DMXL1: variants seen among roughly 807,000 people sequenced by gnomAD.
DMXL1 encodes the protein Dmx like 1, also known as dmX-like protein 1.
Under a neutral mutation model 319.2 loss-of-function variants are expected in DMXL1, and 99 were observed. That is an observed-to-expected ratio of 0.31 (90% CI 0.26 to 0.37). The LOEUF (loss-of-function observed/expected upper bound fraction) is 0.37. Ranked by LOEUF, DMXL1 falls within the 10% of genes least tolerant of loss-of-function variation. DMXL1 has a pLI of 1.00. For synonymous variants in DMXL1, 1,385 were observed against 1,235.2 expected, an observed-to-expected ratio of 1.12 and a Z score of -2.54; for missense variants, 3,745 against 3,595.6, an observed-to-expected ratio of 1.04 and a Z score of -1.06.
intron 28 of DMXL1, among the ~76,000 whole-genome samples, chr5:119,183,047 T>C (rs1177828088): frequency 6.6e-6 from 1 of 152,208 alleles, no homozygotes; most frequent in African/African-American, 2.4e-5. Flanking sequence ...AATGACTTTT[T>C]TATGTCTCCA....
intron 25 of DMXL1, 29 bp downstream of exon 25, chr5:119,171,998 T>G (rs1774664323): frequency 6.4e-7 from 1 of 1,574,778 alleles, no homozygotes; most frequent in Non-Finnish European, 8.7e-7. Flanking sequence ...AAGCTTTTAC[T>G]TCATCTGTAC....
chr5:119,133,696 G>C lies in DMXL1; in HGVS notation c.1772G>C (p.Ser591Thr), dbSNP rs1765411477. Reference sequence around the variant, plus strand: ...AAATCATCTAATAGTTTAAAATTAAGTATTTTTACGCCTAATGTTATGATG... The same window carrying C: ...AAATCATCTAATAGTTTAAAATTAACTATTTTTACGCCTAATGTTATGATG... ...HNKSSNSLKL[S>T]IFTPNVMMIS... The change falls in exon 12 of 44, where the codon AGT becomes ACT. Residue 591 changes from serine (S) to threonine (T), a missense_variant. Ser to Thr is a moderately conservative substitution (Grantham distance 58). Coordinates refer to ENST00000539542, the MANE Select transcript of DMXL1 (RefSeq NM_001290321.3). 2 of 1,614,002 alleles carry C rather than the reference G, an allele frequency of 1.2e-6. No homozygotes were observed. Among genetic ancestry groups the C allele is most frequent in the East Asian group, 2.2e-5 (1 of 44,888 alleles).
intron 30 of DMXL1, among the ~76,000 whole-genome samples, chr5:119,195,697 A>G (rs1910788): frequency 0.045 from 6,916 of 152,306 alleles, 227 homozygotes; most frequent in South Asian, 0.077. Context: ...CCTGAACTAT[A>G]AACTTAAAAA....
chr5:119,084,651 G>A (rs976888509), intron 1 of DMXL1, among the ~76,000 whole-genome samples: 1 of 151,896 alleles, frequency 6.6e-6, no homozygotes, highest in Non-Finnish European at 1.5e-5. Flanking sequence ...ATCATCTGAG[G>A]CTGTGAGTTC....
chr5:119,080,970 G>C (rs1752069281), intron 1 of DMXL1, among the ~76,000 whole-genome samples: 1 of 152,116 alleles, frequency 6.6e-6, no homozygotes, highest in Non-Finnish European at 1.5e-5. Flanking sequence ...TAAAGGCTTG[G>C]TTTTGATGTC....
intron 28 of DMXL1, among the ~76,000 whole-genome samples, chr5:119,188,244 A>T (rs1006205092): frequency 6.6e-6 from 1 of 152,062 alleles, no homozygotes; most frequent in Admixed American, 6.5e-5. Flanking sequence ...GATTGTCTAT[A>T]CTTCTTGGTT....
At chr5:119,125,736 T>C (rs1763398794) in intron 9 of DMXL1, among the ~76,000 whole-genome samples, 1 of 152,076 alleles carries the variant, frequency 6.6e-6, no homozygotes, top group Non-Finnish European at 1.5e-5. Flanking sequence ...GGCTACTTTT[T>C]TGTATTTTTA....
chr5:119,220,509 A>G lies in DMXL1; in HGVS notation c.8051A>G (p.Asp2684Gly). The change falls in exon 36 of 44, where the codon GAT becomes GGT. Residue 2684 changes from aspartate to glycine, a missense_variant. Asp to Gly is a moderately conservative substitution (Grantham distance 94). Coordinates refer to ENST00000539542, the MANE Select transcript of DMXL1 (RefSeq NM_001290321.3). ...RNCIAIASSH[D>G]VQELDVSGIL... ...TGCATAGCAATCGCTTCCAGTCATG[A>G]TGTTCAAGAACTGGATGTTTCTGGA... The G allele has an allele frequency of 6.2e-7, 1 of 1,613,650 alleles. No homozygotes were observed. Among genetic ancestry groups the G allele is most frequent in the Non-Finnish European group, 8.5e-7 (1 of 1,179,648 alleles).
chr5:119,130,587 T>C (rs1474583294), intron 10 of DMXL1, among the ~76,000 whole-genome samples: 2 of 152,042 alleles, frequency 1.3e-5, no homozygotes, highest in Non-Finnish European at 2.9e-5. Context: ...AGGTGATCCA[T>C]CCACCTGGGC....
chr5:119,134,068 C>G lies in DMXL1; in HGVS notation c.2144C>G (p.Pro715Arg). ...CTGTGGAGGGTTGACCCAGTTGGGC[C>G]ATTGTCTTTTTCTGGAGGAGTTTCT... ...LILWRVDPVGPLSFSGGVSEL... is the reference protein window; with the variant it reads ...LILWRVDPVGRLSFSGGVSEL... Residue 715 changes from proline to arginine, a missense_variant, in exon 12 of 44, where the codon CCA becomes CGA. Coordinates refer to ENST00000539542, the MANE Select transcript of DMXL1 (RefSeq NM_001290321.3). 6.2e-7 allele frequency: 1 copy of G among 1,614,118 alleles called. No individual in the cohort carries two copies. Among genetic ancestry groups the G allele is most frequent in the Non-Finnish European group, 8.5e-7 (1 of 1,180,016 alleles).
intron 28 of DMXL1, among the ~76,000 whole-genome samples, chr5:119,183,326 A>G (rs1777106500): frequency 6.6e-6 from 1 of 152,248 alleles, no homozygotes. Flanking sequence ...TTGACCAGAA[A>G]AGACTTGAGC....
intron 28 of DMXL1, among the ~76,000 whole-genome samples, chr5:119,187,431 A>G (rs1357770010): frequency 6.6e-6 from 1 of 152,162 alleles, no homozygotes; most frequent in East Asian, 1.9e-4. Context: ...CCTAAGCTTC[A>G]CGACCAATCT....
chr5:119,177,127 C>G (rs1775953903), intron 26 of DMXL1, among the ~76,000 whole-genome samples: 1 of 151,996 alleles, frequency 6.6e-6, no homozygotes, highest in Non-Finnish European at 1.5e-5. Context: ...ATTTAGTTTT[C>G]TCATTTGTAC....
At chr5:119,109,660 C>G (rs1467112947) in intron 4 of DMXL1, among the ~76,000 whole-genome samples, 1 of 152,190 alleles carries the variant, frequency 6.6e-6, no homozygotes, top group Non-Finnish European at 1.5e-5. Context: ...GGTTTCCTTT[C>G]TGAAATGCCT....
At chr5:119,081,044 C>G (rs1027012831) in intron 1 of DMXL1, among the ~76,000 whole-genome samples, 2 of 152,116 alleles carry the variant, frequency 1.3e-5, no homozygotes, top group Non-Finnish European at 2.9e-5. Context: ...TCAGATGTTA[C>G]CCACTAGAAT....
intron 4 of DMXL1, among the ~76,000 whole-genome samples, chr5:119,106,774 A>G (rs189659726): frequency 6.6e-6 from 1 of 152,364 alleles, no homozygotes; most frequent in Non-Finnish European, 1.5e-5. Flanking sequence ...ACTTATTTCA[A>G]TGCCTTTTCC....
intron 10 of DMXL1, among the ~76,000 whole-genome samples, chr5:119,131,081 CAGA>C (rs1455480082): frequency 2.0e-5 from 3 of 150,552 alleles, no homozygotes. Context: ...GCAAATTAAG[CAGA>C]ATATCTTTTA....
chr5:119,187,054 C>T (rs1017764365), intron 28 of DMXL1, among the ~76,000 whole-genome samples: 10 of 150,756 alleles, frequency 6.6e-5, no homozygotes, highest in African/African-American at 2.2e-4. Context: ...TGCACATGTA[C>T]GATAGAACTT....
intron 42 of DMXL1, 121 bp from the exon 43 acceptor site, chr5:119,244,238 G>A: frequency 2.8e-6 from 2 of 719,960 alleles, no homozygotes; most frequent in Non-Finnish European, 4.6e-6. Flanking sequence ...TATTTCATTT[G>A]ATTTTTTAAT....
Sources: allele counts gnomAD v4.1 joint callset (sites outside exome capture counted in the v4.1 genomes callset), GRCh38; gene constraint gnomAD v4.1.1; transcripts MANE v1.5; gene names NCBI Gene and HGNC (gene_info 2026-07-23, HGNC 2026-07-21).